Variants in ZNF280C observed in about 807,000 individuals in gnomAD.
ZNF280C encodes suppressor of hairy wing homolog 3.
In ZNF280C, 14 loss-of-function variants were observed where a neutral mutation model predicts 53.6. The ratio of observed to expected loss-of-function variants is 0.26; its 90% CI spans 0.17 to 0.41. ZNF280C has a LOEUF of 0.41. ZNF280C is among the 10% of genes least tolerant of loss of function. ZNF280C has a pLI of 1.00. For synonymous variants in ZNF280C, 203 were observed against 181.1 expected, an observed-to-expected ratio of 1.12 and a Z score of -0.97; for missense variants, 416 against 547.1, an observed-to-expected ratio of 0.76 and a Z score of 2.39.
At chrX:130,216,206 G>A (rs1413550078) in intron 13 of ZNF280C, 105 bp from the exon 14 acceptor site, 3 of 765,839 alleles carry the variant, frequency 3.9e-6, no homozygotes, top group Non-Finnish European at 1.9e-6. Context: ...AAACTGGCAA[G>A]GGTCCCAAAA....
Position 130,252,165 on chromosome X carries a change from A to G in ZNF280C, c.32-5160T>C, listed in dbSNP as rs145325341. ...AAAACCAAAAATCAAAAAACCAAAA[A>G]GCTTTCATGCCAACATCTTTGATGA... On this transcript the variant is annotated intron_variant, in intron 2 of 18. Coordinates refer to ENST00000370978, the MANE Select transcript of ZNF280C (RefSeq NM_017666.5). Among the ~76,000 whole-genome samples the G allele has an allele frequency of 3.8e-3, 422 of 112,153 alleles. 1 individual carries two copies. The highest frequency in any genetic ancestry group is 0.013 in the African/African-American group (402 of 30,909).
At chrX:130,261,624 A>C (rs2032631454) in intron 1 of ZNF280C, among the ~76,000 whole-genome samples, 1 of 112,042 alleles carries the variant, frequency 8.9e-6, no homozygotes, top group Admixed American at 9.5e-5. Flanking sequence ...GACTATTCAA[A>C]TCTCTTTAAA....
chrX:130,223,519 TTTG>T (rs1336191136), intron 12 of ZNF280C, among the ~76,000 whole-genome samples: 1 of 112,334 alleles, frequency 8.9e-6, no homozygotes, highest in African/African-American at 3.2e-5. Context: ...TCTATAAAGC[TTTG>T]TTTCCTCATC....
chrX:130,228,996 G>A lies in ZNF280C; in HGVS notation c.1128C>T (p.His376=). The A allele has an allele frequency of 8.3e-7, 1 of 1,205,053 alleles. No individual in the cohort carries two copies. The highest frequency in any genetic ancestry group is 1.1e-6 in the Non-Finnish European group (1 of 891,706). ...FQLQCHIEST[H]TPHEFSTICK... is the part of the protein sequence containing the mutation. ...ACTTACTAGAAAACTCATGGGGAGTGTGTGTACTCTCAATGTGGCACTGCA... is the reference window on the plus strand; with the variant it reads ...ACTTACTAGAAAACTCATGGGGAGTATGTGTACTCTCAATGTGGCACTGCA... Residue 376 remains histidine, a synonymous_variant, in exon 10 of 19, where the codon CAC becomes CAT. Coordinates refer to ENST00000370978, the MANE Select transcript of ZNF280C (RefSeq NM_017666.5).
intron 2 of ZNF280C, among the ~76,000 whole-genome samples, chrX:130,250,840 A>G (rs2032499263): frequency 8.9e-6 from 1 of 111,743 alleles, no homozygotes; most frequent in African/African-American, 3.3e-5. Flanking sequence ...CACACCAGTA[A>G]TTCCAACATT....
At chrX:130,233,135 G>A (rs1435862096) in intron 8 of ZNF280C, among the ~76,000 whole-genome samples, 5 of 111,682 alleles carry the variant, frequency 4.5e-5, no homozygotes. Flanking sequence ...TCTGTTATAT[G>A]AGGAATCTAA....
At chrX:130,218,835 C>T (rs980922287) in intron 13 of ZNF280C, among the ~76,000 whole-genome samples, 2 of 111,189 alleles carry the variant, frequency 1.8e-5, no homozygotes, top group African/African-American at 3.3e-5. Flanking sequence ...AAAGGCACAC[C>T]GAACACTTAA....
chrX:130,218,598 C>G (rs16999637), intron 13 of ZNF280C, among the ~76,000 whole-genome samples: 1,305 of 112,156 alleles, frequency 0.012, 16 homozygotes, highest in African/African-American at 0.04. Context: ...TAGAAAAGCA[C>G]TGAAGCAGAA....
intron 2 of ZNF280C, 121 bp from the exon 3 acceptor site, chrX:130,247,126 ATTTG>A (rs2032458533): frequency 3.9e-6 from 3 of 763,292 alleles, no homozygotes; most frequent in African/African-American, 2.2e-5. Context: ...CTGACTTGAT[ATTTG>A]TTTGTTTTTG....
chrX:130,229,080 G>T lies in ZNF280C; in HGVS notation c.1044C>A (p.Ser348Arg). 4 of 1,209,078 alleles carry T rather than the reference G, an allele frequency of 3.3e-6. No homozygotes were observed. Among genetic ancestry groups the T allele is most frequent in the Non-Finnish European group, 4.5e-6 (4 of 894,098 alleles). The change falls in exon 10 of 19, where the codon AGC (serine) becomes AGA (arginine). Residue 348 changes from serine to arginine, a missense_variant. By Grantham distance (110) the Ser-to-Arg change is moderately radical. Transcript: ENST00000370978. ...GCTGGCAGGTGGTGTGGTTTTCCCA[G>T]CTTTCATTGTTCTGCTTCTCAAGTT... ...HLELEKQNNE[S>R]WENHTTCQHC...
At chrX:130,212,058 G>A (rs1356250495) in intron 15 of ZNF280C, among the ~76,000 whole-genome samples, 1 of 111,395 alleles carries the variant, frequency 9.0e-6, no homozygotes, top group East Asian at 2.8e-4. Context: ...AGTGGAAGAG[G>A]CAGACTGGTA....
intron 1 of ZNF280C, among the ~76,000 whole-genome samples, chrX:130,267,600 G>A (rs1297763235): frequency 1.8e-5 from 2 of 111,683 alleles, no homozygotes; most frequent in East Asian, 2.8e-4. Flanking sequence ...TGCAAGATAC[G>A]ATTATAATGG....
chrX:130,216,991 C>T (rs1012071057), intron 13 of ZNF280C, among the ~76,000 whole-genome samples: 6 of 111,320 alleles, frequency 5.4e-5, no homozygotes, highest in African/African-American at 2.0e-4. Context: ...CACGGCAAGA[C>T]TCCGTCTCAA....
chrX:130,241,766 A>G (rs889454097), intron 5 of ZNF280C, among the ~76,000 whole-genome samples: 4 of 111,420 alleles, frequency 3.6e-5, no homozygotes, highest in African/African-American at 1.3e-4. Flanking sequence ...CCTGTCTCTA[A>G]ATAAATAAAG....
At chrX:130,231,096 C>T (rs769860744) in intron 8 of ZNF280C, among the ~76,000 whole-genome samples, 2 of 111,660 alleles carry the variant, frequency 1.8e-5, no homozygotes, top group African/African-American at 6.5e-5. Context: ...AGCTTACATG[C>T]TTATACACCA....
rs1046369455 is a variant in ZNF280C, at chrX:130,204,395, G to C, written c.*582C>G. ...TAGGAAGGGACTCTCCCCAAGATCTGATTTCTGAAGGCCACAAACTAGAGG... is the reference window on the plus strand; with the variant it reads ...TAGGAAGGGACTCTCCCCAAGATCTCATTTCTGAAGGCCACAAACTAGAGG... On this transcript the variant is annotated 3_prime_UTR_variant, in exon 19 of 19. Coordinates refer to ENST00000370978, the MANE Select transcript of ZNF280C (RefSeq NM_017666.5). The C allele has an allele frequency of 8.9e-6, 1 of 112,564 alleles. No individual in the cohort carries two copies. The highest frequency in any genetic ancestry group is 9.5e-5 in the Admixed American group (1 of 10,527). 9.3% of individuals were successfully genotyped at this position (112,564 alleles called of 1,213,427 possible). A position where few individuals can be genotyped will look rare whatever the true frequency, so the allele number is the denominator to read the frequency against.
intron 5 of ZNF280C, among the ~76,000 whole-genome samples, chrX:130,240,943 A>G (rs1047696284): frequency 8.9e-6 from 1 of 112,205 alleles, no homozygotes; most frequent in Middle Eastern, 4.2e-3. Context: ...CTTTCACAGT[A>G]CATGTATTTT....
At chrX:130,209,304 T>G (rs1031820818) in intron 16 of ZNF280C, among the ~76,000 whole-genome samples, 27 of 112,588 alleles carry the variant, frequency 2.4e-4, no homozygotes, top group African/African-American at 8.4e-4. Context: ...ATTCATCAAT[T>G]TTTTTTCTGT....
intron 13 of ZNF280C, among the ~76,000 whole-genome samples, chrX:130,217,774 A>C (rs1044202950): frequency 5.3e-5 from 6 of 112,982 alleles, no homozygotes; most frequent in Non-Finnish European, 9.4e-5. Context: ...TATTAGTTTT[A>C]TATTGATAAC....
Sources: gnomAD v4.1 joint callset for allele counts (sites outside exome capture counted in the v4.1 genomes callset) on GRCh38, gnomAD v4.1.1 for gene constraint, MANE v1.5 for transcripts, NCBI Gene and HGNC (gene_info 2026-07-23, HGNC 2026-07-21) for gene names.